AK9: variants seen among roughly 807,000 people sequenced by gnomAD.
AK9 encodes adenylate kinase domain containing 1.
Under a neutral mutation model 239.6 loss-of-function variants are expected in AK9, and 191 were observed. The ratio of observed to expected loss-of-function variants is 0.80; its 90% CI spans 0.71 to 0.90. The LOEUF (loss-of-function observed/expected upper bound fraction) is 0.90, where lower values mean the gene tolerates loss of function less well. Ranked by LOEUF, AK9 falls within the 40% of genes least tolerant of loss-of-function variation. The pLI, the probability that AK9 is intolerant of heterozygous loss-of-function variation, is 0.00. For missense variants in AK9, 1,995 were observed against 2,214.7 expected (o/e 0.90, Z 1.99); for synonymous variants, 689 against 721.0 (o/e 0.96, Z 0.71).
In AK9 at chr6:109,614,446, A is replaced by G; in HGVS notation, c.1434T>C (p.Tyr478=). 1.9e-6 allele frequency: 3 copies of G among 1,551,246 alleles called. No individual in the cohort carries two copies. The highest frequency in any genetic ancestry group is 2.6e-6 in the Non-Finnish European group (3 of 1,146,714). ...GGAATACTCCAAACTCCATTTTTTC[A>G]TATTGCCTTTGAAATTCTCTTAAAG... ...ETALREFQRQ[Y]EKMEFGVFPM... is the part of the protein sequence containing the mutation. Residue 478 remains tyrosine, a synonymous_variant, in exon 14 of 41, where the codon TAT becomes TAC. Coordinates refer to ENST00000424296, the MANE Select transcript of AK9 (RefSeq NM_001145128.3).
Position 109,574,611 on chromosome 6 carries a change from G to A in AK9, c.2192-1017C>T, listed in dbSNP as rs576491278. Among the ~76,000 whole-genome samples, 9 of 152,076 alleles carry A rather than the reference G, an allele frequency of 5.9e-5. No homozygotes were observed. The East Asian group carries it at 1.4e-3, about 23-fold the overall frequency. The stretch of plus-strand genomic sequence containing the variant: ...GTTAAATGTTAGTGAAAATAAATTC[G>A]GAATTATTTTCCAATTAAGTTCACA... On this transcript the variant is annotated intron_variant, in intron 20 of 40. Transcript: ENST00000424296.
At position 109,573,480 on chromosome 6, in the gene AK9, A is replaced by G; in HGVS notation, c.2306T>C (p.Phe769Ser). ...DTRGSWLPEE[F>S]EASEVPETEP... ...AGTTTCAGGGACCTCAGATGCTTCA[A>G]ACTCCTCAGGTAACCATGACCCTCG... is the stretch of plus-strand genomic sequence containing the variant. Residue 769 changes from phenylalanine (F) to serine (S), a missense_variant, in exon 21 of 41, where the codon TTT (phenylalanine) becomes TCT (serine). Physicochemically the swap from Phe to Ser is radical, Grantham distance 155 (BLOSUM62 -2). Transcript: ENST00000424296. 1 of 1,551,040 alleles carries G rather than the reference A, an allele frequency of 6.4e-7. No individual in the cohort carries two copies. Among genetic ancestry groups the G allele is most frequent in the Middle Eastern group, 1.7e-4 (1 of 5,990 alleles).
chr6:109,632,854 CAG>C (rs199707138), intron 12 of AK9, 67 bp downstream of exon 12: 25,003 of 1,458,408 alleles, frequency 0.017, 331 homozygotes, highest in Non-Finnish European at 0.018. Flanking sequence ...AGATACATGA[CAG>C]ATAGACATAG....
Position 109,495,363 on chromosome 6 carries a change from A to C in AK9, c.5393T>G (p.Leu1798Arg). The change falls in exon 39 of 41, where the codon CTT becomes CGT. Residue 1798 changes from leucine to arginine, a missense_variant. By Grantham distance (102) the Leu-to-Arg change is moderately radical. Transcript: ENST00000424296. ...PLREPILLTSLPLPGYLEQGI... is the reference protein window; with the variant it reads ...PLREPILLTSRPLPGYLEQGI... ...CTGTTCCAGATATCCAGGCAAAGGA[A>C]GACTAGTAAGAAGTATCGGTTCCCT... 6.2e-7 allele frequency: 1 copy of C among 1,613,724 alleles called. No homozygotes were observed. Among genetic ancestry groups the C allele is most frequent in the Non-Finnish European group, 8.5e-7 (1 of 1,179,778 alleles).
At chr6:109,523,028 A>C (rs1238860369) in intron 29 of AK9, among the ~76,000 whole-genome samples, 2 of 152,166 alleles carry the variant, frequency 1.3e-5, no homozygotes, top group Non-Finnish European at 2.9e-5. Flanking sequence ...TGTTAAGTGA[A>C]GGGCTGGTAG....
intron 17 of AK9, among the ~76,000 whole-genome samples, chr6:109,606,612 T>C (rs1281315401): frequency 6.6e-6 from 1 of 152,050 alleles, no homozygotes; most frequent in Admixed American, 6.5e-5. Flanking sequence ...TCCCTAGAGG[T>C]TGCTACTGTT....
In AK9 at chr6:109,542,179, CA is replaced by C; in HGVS notation, c.3226-9del. ...AAGTTGTACTTCTGGAAGCTAAAAA[CA>C]AAAATCAGAAAACAAAACAAGTTTT... On this transcript the variant is annotated splice_polypyrimidine_tract_variant and intron_variant, in intron 26 of 40. Coordinates refer to ENST00000424296, the MANE Select transcript of AK9 (RefSeq NM_001145128.3). 1.9e-6 allele frequency: 3 copies of C among 1,577,456 alleles called. No individual in the cohort carries two copies. Among genetic ancestry groups the C allele is most frequent in the Non-Finnish European group, 2.6e-6 (3 of 1,166,072 alleles).
chr6:109,654,218 G>A (rs899632714), intron 8 of AK9, among the ~76,000 whole-genome samples: 8 of 152,148 alleles, frequency 5.3e-5, no homozygotes, highest in East Asian at 1.9e-4. Flanking sequence ...TATTGTATGA[G>A]GTTAGATTCT....
intron 17 of AK9, among the ~76,000 whole-genome samples, chr6:109,599,421 T>A (rs1282576247): frequency 1.3e-5 from 2 of 152,216 alleles, no homozygotes; most frequent in Non-Finnish European, 2.9e-5. Context: ...TCTGTTCTGT[T>A]CCATTGGTCT....
intron 29 of AK9, 148 bp downstream of exon 29, chr6:109,528,863 T>G (rs1469258258): frequency 2.9e-6 from 4 of 1,400,512 alleles, no homozygotes; most frequent in Non-Finnish European, 3.9e-6. Context: ...GGCTCATGCC[T>G]GTAATCCTAG....
intron 28 of AK9, 28 bp from the exon 29 acceptor site, chr6:109,529,101 T>C: frequency 2.0e-6 from 3 of 1,534,340 alleles, no homozygotes; most frequent in Non-Finnish European, 2.6e-6. Context: ...ATTAAAAAAT[T>C]GTAATGGAGA....
intron 32 of AK9, among the ~76,000 whole-genome samples, chr6:109,512,905 C>T (rs1778900037): frequency 1.3e-5 from 2 of 152,172 alleles, no homozygotes; most frequent in Non-Finnish European, 1.5e-5. Context: ...ACTCTGTTGC[C>T]TAGGGTGGAG....
intron 27 of AK9, among the ~76,000 whole-genome samples, chr6:109,537,915 T>C (rs1307177470): frequency 6.6e-6 from 1 of 152,198 alleles, no homozygotes; most frequent in East Asian, 1.9e-4. Context: ...TTGAGCGGTT[T>C]TGAGTGAGTT....
intron 17 of AK9, among the ~76,000 whole-genome samples, chr6:109,598,257 T>A (rs1178943117): frequency 7.0e-6 from 1 of 142,290 alleles, no homozygotes; most frequent in African/African-American, 2.7e-5. Context: ...CGGTGTGTGA[T>A]GTTCCCCTTC....
At position 109,641,587 on chromosome 6, in the gene AK9, G is replaced by A. The variant is rs373942133; in HGVS notation, c.864C>T (p.Asn288=). ...MIVMDRLKYL[N]LKRAAILTKL... ...TGGTTAGAATAGCTGCTCTTTTTAGGTTCAGATATTTAAGTCGATCCATAA... is the reference window on the plus strand; with the variant it reads ...TGGTTAGAATAGCTGCTCTTTTTAGATTCAGATATTTAAGTCGATCCATAA... Residue 288 remains asparagine, a synonymous_variant, in exon 10 of 41, where the codon AAC becomes AAT. Coordinates refer to ENST00000424296, the MANE Select transcript of AK9 (RefSeq NM_001145128.3). 6.2e-7 allele frequency: 1 copy of A among 1,613,224 alleles called. No homozygotes were observed. Among genetic ancestry groups the A allele is most frequent in the African/African-American group, 1.3e-5 (1 of 74,960 alleles).
chr6:109,675,437 T>C (rs1771568238), intron 2 of AK9, among the ~76,000 whole-genome samples, 192 bp downstream of exon 2: 1 of 152,158 alleles, frequency 6.6e-6, no homozygotes, highest in Non-Finnish European at 1.5e-5. Flanking sequence ...GATGAGCATA[T>C]GTGTGCATGT....
chr6:109,664,500 C>T (rs1800883776), intron 5 of AK9, among the ~76,000 whole-genome samples: 1 of 152,042 alleles, frequency 6.6e-6, no homozygotes, highest in South Asian at 2.1e-4. Flanking sequence ...TCTCGGCTCA[C>T]TGCAACCTCC....
chr6:109,689,028 T>C (rs1370776732), intron 1 of AK9, among the ~76,000 whole-genome samples: 1 of 152,086 alleles, frequency 6.6e-6, no homozygotes, highest in Non-Finnish European at 1.5e-5. Context: ...GGGCTTATGC[T>C]CCTCAGGGAT....
At chr6:109,614,510 A>G (rs2128242323) in intron 13 of AK9, 30 bp from the exon 14 acceptor site, 1 of 1,533,624 alleles carries the variant, frequency 6.5e-7, no homozygotes, top group Non-Finnish European at 8.8e-7. Flanking sequence ...GGTGTTAGCA[A>G]AACGTAGTTG....
Sources: gnomAD v4.1 joint callset for allele counts (sites outside exome capture counted in the v4.1 genomes callset) on GRCh38, gnomAD v4.1.1 for gene constraint, MANE v1.5 for transcripts, NCBI Gene and HGNC (gene_info 2026-07-23, HGNC 2026-07-21) for gene names.